The following RBFOX1 variants were observed in gnomAD, a reference collection of about 807,000 sequenced individuals.
RBFOX1 encodes RNA binding fox-1 homolog 1.
Under a neutral mutation model 57.7 loss-of-function variants are expected in RBFOX1, and 8 were observed. That is an observed-to-expected ratio of 0.14 (90% CI 0.08 to 0.25). The LOEUF (loss-of-function observed/expected upper bound fraction) is 0.25. Among genes scored for constraint, RBFOX1 ranks in the 10% least tolerant of loss-of-function variants. RBFOX1 has a pLI of 1.00. For synonymous variants in RBFOX1, 326 were observed against 222.4 expected (o/e 1.47, Z -4.15); for missense variants, 611 against 548.5 (o/e 1.11, Z -1.14).
intron 3 of RBFOX1, among the ~76,000 whole-genome samples, chr16:6,715,817 T>C (rs781662979): frequency 1.1e-4 from 16 of 152,186 alleles, no homozygotes; most frequent in Non-Finnish European, 1.0e-4. Flanking sequence ...AAATAAAATA[T>C]TGTGTTTCTT....
intron 3 of RBFOX1, among the ~76,000 whole-genome samples, chr16:6,754,570 A>G (rs1041354975): frequency 5.3e-5 from 8 of 152,220 alleles, no homozygotes; most frequent in Non-Finnish European, 8.8e-5. Flanking sequence ...CTCTCTACAA[A>G]TTGGCCTCCA....
At chr16:5,286,759 T>A (rs371072065) in intron 1 of RBFOX1, among the ~76,000 whole-genome samples, 2 of 152,244 alleles carry the variant, frequency 1.3e-5, no homozygotes, top group Admixed American at 6.5e-5. Flanking sequence ...TTGGTCTAGA[T>A]AACCTCTGTT....
intron 3 of RBFOX1, among the ~76,000 whole-genome samples, chr16:6,689,782 G>A (rs181098224): frequency 6.6e-5 from 10 of 152,282 alleles, no homozygotes; most frequent in Admixed American, 6.5e-5. Flanking sequence ...TTGTTTCTCC[G>A]TCTTCCTACG....
At chr16:7,325,671 T>C (rs1289021261) in intron 4 of RBFOX1, among the ~76,000 whole-genome samples, 2 of 152,168 alleles carry the variant, frequency 1.3e-5, no homozygotes, top group African/African-American at 2.4e-5. Context: ...GAGAGGTTGG[T>C]TGATGGTCTG....
chr16:6,668,910 A>C (rs144496967), intron 3 of RBFOX1, among the ~76,000 whole-genome samples: 23 of 152,314 alleles, frequency 1.5e-4, no homozygotes, highest in Middle Eastern at 6.8e-3. Flanking sequence ...GCTATTTTTC[A>C]AAGATTGTTC....
At chr16:5,932,736 C>T (rs1234539713) in intron 4 of RBFOX1, among the ~76,000 whole-genome samples, 1 of 152,110 alleles carries the variant, frequency 6.6e-6, no homozygotes, top group East Asian at 1.9e-4. Flanking sequence ...GTGCATTTCC[C>T]ATCTCTCCCA....
intron 3 of RBFOX1, among the ~76,000 whole-genome samples, chr16:6,805,750 C>T (rs1255440200): frequency 4.6e-5 from 7 of 152,140 alleles, no homozygotes; most frequent in Non-Finnish European, 1.0e-4. Flanking sequence ...CAAGGTTTTT[C>T]CCTCCACTGT....
At chr16:5,809,902 A>G (rs2055360187) in intron 3 of RBFOX1, among the ~76,000 whole-genome samples, 1 of 152,176 alleles carries the variant, frequency 6.6e-6, no homozygotes, top group Non-Finnish European at 1.5e-5. Context: ...ACTATCCACA[A>G]TAGCAAAGAC....
chr16:7,108,584 G>A (rs1211409847), intron 4 of RBFOX1, among the ~76,000 whole-genome samples: 1 of 152,118 alleles, frequency 6.6e-6, no homozygotes, highest in Non-Finnish European at 1.5e-5. Context: ...GTTTGCGTAT[G>A]GTTCAGTGGG....
intron 4 of RBFOX1, among the ~76,000 whole-genome samples, chr16:7,456,219 G>A (rs1175542658): frequency 1.3e-5 from 2 of 152,164 alleles, no homozygotes; most frequent in South Asian, 2.1e-4. Context: ...CCCTTTAACA[G>A]TTCCTCCACG....
At chr16:5,595,793 C>G (rs1320268405) in intron 2 of RBFOX1, among the ~76,000 whole-genome samples, 2 of 152,144 alleles carry the variant, frequency 1.3e-5, no homozygotes. Context: ...AAAATAGGGA[C>G]ACACGGGATT....
intron 4 of RBFOX1, among the ~76,000 whole-genome samples, chr16:7,365,028 C>G (rs2097413159): frequency 6.6e-6 from 1 of 152,188 alleles, no homozygotes; most frequent in African/African-American, 2.4e-5. Context: ...ATCCATCCGT[C>G]CGTCCGTCTG....
At chr16:6,866,732 A>T (rs891688533) in intron 3 of RBFOX1, among the ~76,000 whole-genome samples, 1 of 151,520 alleles carries the variant, frequency 6.6e-6, no homozygotes, top group African/African-American at 2.4e-5. Context: ...TTAGTAGAGA[A>T]GGGGTTTCAC....
At chr16:6,359,093 T>TGTTC (rs1458328960) in intron 2 of RBFOX1, among the ~76,000 whole-genome samples, 1 of 151,948 alleles carries the variant, frequency 6.6e-6, no homozygotes, top group Non-Finnish European at 1.5e-5. Context: ...TTTGTTTGTT[T>TGTTC]GTTTGTTTGT....
At chr16:6,144,459 T>A (rs1201340391) in intron 1 of RBFOX1, among the ~76,000 whole-genome samples, 1 of 152,226 alleles carries the variant, frequency 6.6e-6, no homozygotes, top group Non-Finnish European at 1.5e-5. Flanking sequence ...TTCAGTCTTC[T>A]GTCAGGCTTT....
intron 3 of RBFOX1, among the ~76,000 whole-genome samples, chr16:5,794,270 C>T (rs1407246028): frequency 6.6e-6 from 1 of 152,154 alleles, no homozygotes; most frequent in Non-Finnish European, 1.5e-5. Flanking sequence ...TTCTCTTCCT[C>T]CTCTTTGTTT....
At chr16:7,254,225 C>T (rs1464156164) in intron 4 of RBFOX1, among the ~76,000 whole-genome samples, 2 of 152,152 alleles carry the variant, frequency 1.3e-5, no homozygotes, top group African/African-American at 4.8e-5. Context: ...AAACAAGGAT[C>T]CCAGAAGGAG....
intron 3 of RBFOX1, among the ~76,000 whole-genome samples, chr16:7,023,056 A>C (rs1445941680): frequency 6.6e-6 from 1 of 152,194 alleles, no homozygotes; most frequent in Non-Finnish European, 1.5e-5. Context: ...TGAAGTGTAG[A>C]GATAAGAGAA....
chr16:6,343,697 A>G (rs17435687), intron 2 of RBFOX1, among the ~76,000 whole-genome samples: 3,856 of 152,334 alleles, frequency 0.025, 74 homozygotes, highest in Non-Finnish European at 0.033. Context: ...TTAAAAATTA[A>G]TACAAATGCA....
Sources: allele counts gnomAD v4.1 joint callset (sites outside exome capture counted in the v4.1 genomes callset), GRCh38; gene constraint gnomAD v4.1.1; transcripts MANE v1.5; gene names NCBI Gene and HGNC (gene_info 2026-07-23, HGNC 2026-07-21).